Variants in ABCC12 observed in about 807,000 individuals in gnomAD.
ABCC12 encodes the protein ATP-binding cassette sub-family C member 12.
ABCC12 carries 142 observed loss-of-function variants against 151.1 expected under a neutral mutation model. The observed-to-expected ratio is 0.94, with a 90% CI of 0.82 to 1.08. ABCC12 has a LOEUF of 1.08. Ranked by LOEUF, ABCC12 falls within the 50% of genes least tolerant of loss-of-function variation. The probability of loss-of-function intolerance (pLI) is 0.00; values close to 1 mark genes in which losing one functional copy is unlikely to be tolerated. For synonymous variants in ABCC12, 645 were observed against 646.4 expected, an observed-to-expected ratio of 1.00 and a Z score of 0.03; for missense variants, 1,638 against 1,691.1, an observed-to-expected ratio of 0.97 and a Z score of 0.55.
At chr16:48,100,705 G>A (rs1206901301) in intron 23 of ABCC12, among the ~76,000 whole-genome samples, 167 bp downstream of exon 23, 1 of 152,176 alleles carries the variant, frequency 6.6e-6, no homozygotes, top group African/African-American at 2.4e-5. Flanking sequence ...CAAGATGCTG[G>A]AAGAGAGGCT....
chr16:48,135,354 C>G (rs1202792357), intron 8 of ABCC12, among the ~76,000 whole-genome samples: 1 of 152,120 alleles, frequency 6.6e-6, no homozygotes, highest in African/African-American at 2.4e-5. Flanking sequence ...GATCGTCAAC[C>G]ATTTCAAAGT....
At chr16:48,107,295 A>C in intron 20 of ABCC12, 27 bp downstream of exon 20, 1 of 1,604,180 alleles carries the variant, frequency 6.2e-7, no homozygotes, top group Non-Finnish European at 8.5e-7. Flanking sequence ...CAGACTCGGC[A>C]TCTTCCAATG....
At chr16:48,131,667 A>G (rs939362) in intron 9 of ABCC12, among the ~76,000 whole-genome samples, 8,711 of 152,224 alleles carry the variant, frequency 0.057, 838 homozygotes, top group African/African-American at 0.2. Flanking sequence ...TCATCTGTCC[A>G]AATTGTAATT....
chr16:48,099,843 G>C (rs1365048888), intron 23 of ABCC12, among the ~76,000 whole-genome samples: 1 of 152,082 alleles, frequency 6.6e-6, no homozygotes, highest in Non-Finnish European at 1.5e-5. Context: ...ATCACCTACT[G>C]TTGCCCCATG....
chr16:48,133,561 C>A, intron 9 of ABCC12, 126 bp downstream of exon 9: 12 of 1,085,290 alleles, frequency 1.1e-5, no homozygotes, highest in South Asian at 1.8e-5. Context: ...GTTGAAGTCA[C>A]ATCCTGTGGC....
At chr16:48,095,834 A>G (rs906600887) in intron 24 of ABCC12, among the ~76,000 whole-genome samples, 4 of 152,260 alleles carry the variant, frequency 2.6e-5, no homozygotes, top group Admixed American at 1.3e-4. Context: ...ACACATGAAT[A>G]AAGACCCACA....
At chr16:48,129,427 C>T (rs1332971779) in intron 10 of ABCC12, among the ~76,000 whole-genome samples, 1 of 152,064 alleles carries the variant, frequency 6.6e-6, no homozygotes, top group African/African-American at 2.4e-5. Context: ...CAGCATTCTA[C>T]CTGAAGGCCC....
Position 48,146,305 on chromosome 16 carries a change from C to G in ABCC12, c.119+1G>C. On this transcript the variant is annotated splice_donor_variant, in intron 3 of 30. Transcript: ENST00000311303. LOFTEE classifies it high-confidence loss of function. ...TCCCTTCTGTCCTTCTTCTGACTTA[C>G]CTTGCACAGGGTCGCACTGGGATCA... 6.2e-7 allele frequency: 1 copy of G among 1,614,056 alleles called. No individual in the cohort carries two copies. The highest frequency in any genetic ancestry group is 8.5e-7 in the Non-Finnish European group (1 of 1,179,924).
rs1036648628 is a variant in ABCC12 at position 48,133,667 on chromosome 16, G to T, written c.1128+20C>A. ...CGGGGTCAGGTTGTGAAAGAGCCTC[G>T]ATCTGGAGCCAGCTCTTACCACGGG... On this transcript the variant is annotated intron_variant, in intron 9 of 30. Transcript: ENST00000311303. 9.9e-6 allele frequency: 16 copies of T among 1,611,792 alleles called. No individual in the cohort carries two copies. Among genetic ancestry groups the T allele is most frequent in the Non-Finnish European group, 1.4e-5 (16 of 1,178,840 alleles).
At chr16:48,138,532 G>A (rs1429717163) in intron 7 of ABCC12, among the ~76,000 whole-genome samples, 157 bp from the exon 8 acceptor site, 1 of 152,206 alleles carries the variant, frequency 6.6e-6, no homozygotes, top group South Asian at 2.1e-4. Flanking sequence ...GGCTGTTGAT[G>A]CTGTCTGAGG....
chr16:48,149,890 T>C (rs1965094598), intron 2 of ABCC12, among the ~76,000 whole-genome samples: 1 of 152,186 alleles, frequency 6.6e-6, no homozygotes, highest in Non-Finnish European at 1.5e-5. Context: ...ATAACAGCCA[T>C]TTCTCATTCT....
At chr16:48,110,234 C>G (rs1370000304) in intron 18 of ABCC12, among the ~76,000 whole-genome samples, 1 of 149,302 alleles carries the variant, frequency 6.7e-6, no homozygotes, top group Non-Finnish European at 1.5e-5. Flanking sequence ...AGGCTCACTT[C>G]TTTCCCCCAC....
chr16:48,141,708 G>A (rs1397105038), intron 4 of ABCC12, among the ~76,000 whole-genome samples: 1 of 152,218 alleles, frequency 6.6e-6, no homozygotes, highest in African/African-American at 2.4e-5. Context: ...TCATTTCAAA[G>A]ATCTGGAAGA....
At chr16:48,141,423 G>T in intron 4 of ABCC12, 70 bp from the exon 5 acceptor site, 2 of 1,578,004 alleles carry the variant, frequency 1.3e-6, no homozygotes, top group Non-Finnish European at 1.7e-6. Flanking sequence ...ACGCTGTTGG[G>T]CATGCTCTTG....
rs1438787774 is a variant in ABCC12, at chr16:48,146,384, T to A, written c.41A>T (p.Gln14Leu). 2 of 1,614,216 alleles carry A rather than the reference T, an allele frequency of 1.2e-6. No homozygotes were observed. Among genetic ancestry groups the A allele is most frequent in the Non-Finnish European group, 8.5e-7 (1 of 1,180,024 alleles). ...EGPYLISDLDQRGRRRSFAER... is the reference protein window; with the variant it reads ...EGPYLISDLDLRGRRRSFAER... ...TGCAAAGGATCTCCGCCGGCCTCGCTGGTCCAGATCTGAGATAAGGTAGGG... is the reference window on the plus strand; with the variant it reads ...TGCAAAGGATCTCCGCCGGCCTCGCAGGTCCAGATCTGAGATAAGGTAGGG... Residue 14 changes from glutamine to leucine, a missense_variant, in exon 3 of 31, where the codon CAG becomes CTG. By Grantham distance (113) the Gln-to-Leu change is moderately radical (BLOSUM62 -2). Coordinates refer to ENST00000311303, the MANE Select transcript of ABCC12 (RefSeq NM_001393797.1).
chr16:48,133,641 C>T, intron 9 of ABCC12, 46 bp downstream of exon 9: 1 of 1,599,580 alleles, frequency 6.3e-7, no homozygotes, highest in Non-Finnish European at 8.5e-7. Flanking sequence ...CTGGGACTTG[C>T]CGGGGTCAGG....
chr16:48,088,075 C>A lies in ABCC12; in HGVS notation c.3486G>T (p.Ser1162=), dbSNP rs368132634. The A allele has an allele frequency of 1.2e-6, 2 of 1,613,736 alleles. No individual in the cohort carries two copies. The highest frequency in any genetic ancestry group is 1.7e-6 in the Non-Finnish European group (2 of 1,179,802). Residue 1162 remains serine, a synonymous_variant, in exon 27 of 31, where the codon TCG becomes TCT. Coordinates refer to ENST00000311303, the MANE Select transcript of ABCC12 (RefSeq NM_001393797.1). ...IVGRTGSGKS[S]LGMALFRLVE... ...CCAGACGAAACAAAGCCATTCCTAA[C>A]GATGACTTTCCTGGGAACCATAAAA...
At chr16:48,090,486 C>T (rs1055966461) in intron 25 of ABCC12, among the ~76,000 whole-genome samples, 7 of 150,368 alleles carry the variant, frequency 4.7e-5, no homozygotes, top group African/African-American at 1.5e-4. Flanking sequence ...TCAAGCATTC[C>T]TCCTGCCTCG....
intron 9 of ABCC12, among the ~76,000 whole-genome samples, chr16:48,132,000 G>C (rs1964443895): frequency 6.6e-6 from 1 of 152,222 alleles, no homozygotes; most frequent in South Asian, 2.1e-4. Context: ...GACCCTAGCA[G>C]AGAAGCGACT....
Sources: allele counts gnomAD v4.1 joint callset (sites outside exome capture counted in the v4.1 genomes callset), GRCh38; gene constraint gnomAD v4.1.1; transcripts MANE v1.5; gene names NCBI Gene and HGNC (gene_info 2026-07-23, HGNC 2026-07-21).